The following CBFA2T3 variants were observed in gnomAD, a reference collection of about 807,000 sequenced individuals.
CBFA2T3 encodes the protein transcriptional corepressor CBFA2T3.
Under a neutral mutation model 58.6 loss-of-function variants are expected in CBFA2T3, and 31 were observed. That is an observed-to-expected ratio of 0.53 (90% CI 0.40 to 0.71). The LOEUF is 0.71. CBFA2T3 is among the 30% of genes least tolerant of loss of function. The pLI, the probability that CBFA2T3 is intolerant of heterozygous loss-of-function variation, is 0.00. For synonymous variants in CBFA2T3, 531 were observed against 421.9 expected (o/e 1.26, Z -3.17); for missense variants, 1,076 against 963.1 (o/e 1.12, Z -1.55).
chr16:88,916,695 C>A (rs916491374), intron 1 of CBFA2T3, among the ~76,000 whole-genome samples: 5 of 152,128 alleles, frequency 3.3e-5, no homozygotes, highest in Non-Finnish European at 5.9e-5. Flanking sequence ...TCCCTCCTTG[C>A]CTCCCAGCCC....
rs1368398064 is a variant in CBFA2T3 at position 88,877,217 on chromosome 16, C to A, written c.1721G>T (p.Arg574Leu). 6.4e-7 allele frequency: 1 copy of A among 1,556,182 alleles called. No individual in the cohort carries two copies. The highest frequency in any genetic ancestry group is 1.9e-5 in the Admixed American group (1 of 51,850). The change falls in exon 12 of 12, where the codon CGC becomes CTC. Residue 574 changes from arginine to leucine, a missense_variant. By Grantham distance (102) the Arg-to-Leu change is moderately radical. Transcript: ENST00000268679. ...ATGCTGGCAGAAGGACCCGCAGTAGCGTGCCGCGTTGCAGCCGCTGCACGT... is the reference window on the plus strand; with the variant it reads ...ATGCTGGCAGAAGGACCCGCAGTAGAGTGCCGCGTTGCAGCCGCTGCACGT... ...SETCSGCNAA[R>L]YCGSFCQHRD...
intron 10 of CBFA2T3, 169 bp from the exon 11 acceptor site, chr16:88,879,629 A>T: frequency 1.6e-6 from 1 of 618,636 alleles, no homozygotes; most frequent in Non-Finnish European, 2.9e-6. Context: ...AGCTGAACAC[A>T]CGTAGCATCT....
At chr16:88,952,955 TCGAGACGGCA>T (rs1391967250) in intron 1 of CBFA2T3, among the ~76,000 whole-genome samples, 22 of 147,406 alleles carry the variant, frequency 1.5e-4, no homozygotes, top group East Asian at 4.1e-4. Flanking sequence ...AGGGCCTGTG[TCGAGACGGCA>T]TGTCCAGGAC....
chr16:88,948,542 C>T (rs1308522575), intron 1 of CBFA2T3, among the ~76,000 whole-genome samples: 1 of 152,200 alleles, frequency 6.6e-6, no homozygotes, highest in Middle Eastern at 3.2e-3. Context: ...GGGAGGAACC[C>T]TAAAGCAGAG....
chr16:88,974,044 C>G (rs1013002077), intron 1 of CBFA2T3, among the ~76,000 whole-genome samples: 2 of 152,198 alleles, frequency 1.3e-5, no homozygotes, highest in Non-Finnish European at 2.9e-5. Flanking sequence ...GTTTCTCCCC[C>G]ATGGAGGTCC....
chr16:88,884,726 G>A (rs1382715207), intron 7 of CBFA2T3: 1 of 281,524 alleles, frequency 3.6e-6, no homozygotes, highest in Non-Finnish European at 6.7e-6. Context: ...GACAGAGGAG[G>A]AAACTGAGAA....
intron 5 of CBFA2T3, among the ~76,000 whole-genome samples, chr16:88,890,067 C>T (rs1969564729): frequency 6.6e-6 from 1 of 150,534 alleles, no homozygotes; most frequent in Non-Finnish European, 1.5e-5. Flanking sequence ...AATCCCTGGA[C>T]GATGCCCCGC....
At chr16:88,966,027 G>A (rs191897960) in intron 1 of CBFA2T3, among the ~76,000 whole-genome samples, 205 of 152,274 alleles carry the variant, frequency 1.3e-3, no homozygotes, top group African/African-American at 4.7e-3. Flanking sequence ...ACAGAGCATG[G>A]GTGCATACAG....
chr16:88,961,522 T>A (rs1348935077), intron 1 of CBFA2T3, among the ~76,000 whole-genome samples: 2 of 138,982 alleles, frequency 1.4e-5, no homozygotes, highest in Non-Finnish European at 3.1e-5. Context: ...ACATTCCCAC[T>A]CCATAGTAAC....
Position 88,876,948 on chromosome 16 carries a change from G to C in CBFA2T3, c.*28C>G, listed in dbSNP as rs1358042868. The C allele has an allele frequency of 1.4e-6, 2 of 1,403,420 alleles. No individual in the cohort carries two copies. The highest frequency in any genetic ancestry group is 5.4e-5 in the East Asian group (2 of 36,708). 86.9% of individuals were successfully genotyped at this position (1,403,420 alleles called of 1,614,324 possible). On this transcript the variant is annotated 3_prime_UTR_variant, in exon 12 of 12. Coordinates refer to ENST00000268679, the MANE Select transcript of CBFA2T3 (RefSeq NM_005187.6). The stretch of plus-strand genomic sequence containing the variant: ...AGCTGGGTGGGGTTGGCACGGTGCT[G>C]TGTCCGGCAGGCCAGGGGCCAGTGG...
chr16:88,937,587 C>G (rs766396012), intron 1 of CBFA2T3: 2 of 152,294 alleles, frequency 1.3e-5, no homozygotes, highest in African/African-American at 4.8e-5. Context: ...GGTACCCACC[C>G]GCGTCGGGCT....
chr16:88,885,840 CGA>C lies in CBFA2T3; in HGVS notation c.893+119_893+120del, dbSNP rs1969345188. On this transcript the variant is annotated intron_variant, in intron 6 of 11. Coordinates refer to ENST00000268679, the MANE Select transcript of CBFA2T3 (RefSeq NM_005187.6). This position sits in a 1 kb window ranked among gnomAD's most constrained non-coding sequence, Gnocchi z 5.3. ...TACACCTCGCCACGCTCCCTCAGCC[CGA>C]GAGAGCCGGCCGGGCTGGCTGCAGC... The C allele has an allele frequency of 1.1e-6, 1 of 894,296 alleles. No homozygotes were observed. The highest frequency in any genetic ancestry group is 2.7e-5 in the East Asian group (1 of 37,606). The allele number at this position is 894,296 out of a possible 1,614,324, so 55.4% of individuals were successfully genotyped here.
intron 1 of CBFA2T3, among the ~76,000 whole-genome samples, chr16:88,969,152 G>C (rs1972586304): frequency 6.6e-6 from 1 of 152,192 alleles, no homozygotes; most frequent in African/African-American, 2.4e-5. Context: ...GATGCCGCCG[G>C]GGTCACCGCC....
chr16:88,944,751 A>G (rs890334697), intron 1 of CBFA2T3, among the ~76,000 whole-genome samples: 2 of 152,214 alleles, frequency 1.3e-5, no homozygotes, highest in African/African-American at 2.4e-5. Context: ...CCCCGCAGTC[A>G]TGGCCCCTTC....
intron 1 of CBFA2T3, chr16:88,941,295 G>C: frequency 4.5e-6 from 2 of 441,228 alleles, no homozygotes; most frequent in Non-Finnish European, 6.0e-6. Flanking sequence ...GGCCCGCGCC[G>C]GGTCCAGCCG....
chr16:88,883,649 A>G (rs1439370368), intron 7 of CBFA2T3: 2 of 143,156 alleles, frequency 1.4e-5, no homozygotes, highest in Non-Finnish European at 3.0e-5. Flanking sequence ...GCAGTGGCCG[A>G]CTCTTCTGCG....
intron 1 of CBFA2T3, among the ~76,000 whole-genome samples, chr16:88,904,471 G>C (rs114887799): frequency 6.6e-6 from 1 of 152,234 alleles, no homozygotes; most frequent in African/African-American, 2.4e-5. Flanking sequence ...CACAGGGCCA[G>C]GACTCGGCAG....
rs190474424 is a variant in CBFA2T3, at chr16:88,898,538, C to A, written c.305-386G>T. On this transcript the variant is annotated intron_variant, in intron 2 of 11. Coordinates refer to ENST00000268679, the MANE Select transcript of CBFA2T3 (RefSeq NM_005187.6). Reference sequence around the variant, plus strand: ...ACTGTTCCGGAGTTTACAAGAACCGCGGCTTCTCTATGAGCAGGGGCGGGG... The same window carrying A: ...ACTGTTCCGGAGTTTACAAGAACCGAGGCTTCTCTATGAGCAGGGGCGGGG... Among the ~76,000 whole-genome samples, 730 of 152,330 alleles carry A rather than the reference C, an allele frequency of 4.8e-3. 9 individuals are homozygous for A. The highest frequency in any genetic ancestry group is 0.017 in the African/African-American group (705 of 41,574).
At chr16:88,881,008 G>A (rs1030835654) in intron 9 of CBFA2T3, 16 of 683,122 alleles carry the variant, frequency 2.3e-5, no homozygotes, top group East Asian at 1.4e-4. Context: ...GCTGGGAGCC[G>A]TGTGTGTCCT....
Sources: gnomAD v4.1 joint callset for allele counts (sites outside exome capture counted in the v4.1 genomes callset) on GRCh38, gnomAD v4.1.1 for gene constraint, Gnocchi (gnomAD v3.1) non-coding constraint, MANE v1.5 for transcripts, NCBI Gene and HGNC (gene_info 2026-07-23, HGNC 2026-07-21) for gene names.